The following DRD3 variants were observed in gnomAD, a reference collection of about 807,000 sequenced individuals.
DRD3 encodes dopamine receptor D3, also known as D(3) dopamine receptor.
DRD3 carries 19 observed loss-of-function variants against 36.3 expected under a neutral mutation model. That is an observed-to-expected ratio of 0.52 (90% CI 0.36 to 0.77). The LOEUF (loss-of-function observed/expected upper bound fraction) is 0.77, where lower values mean the gene tolerates loss of function less well. Ranked by LOEUF, DRD3 falls within the 30% of genes least tolerant of loss-of-function variation. The pLI, the probability that DRD3 is intolerant of heterozygous loss-of-function variation, is 0.00. For missense variants in DRD3, 465 were observed against 505.3 expected, an observed-to-expected ratio of 0.92 and a Z score of 0.77; for synonymous variants, 195 against 203.7, an observed-to-expected ratio of 0.96 and a Z score of 0.36.
intron 2 of DRD3, among the ~76,000 whole-genome samples, chr3:114,163,796 A>C (rs889805072): frequency 1.3e-5 from 2 of 152,160 alleles, no homozygotes; most frequent in Non-Finnish European, 2.9e-5. Context: ...GTGAATGGGT[A>C]TGGGTGAACT....
At chr3:114,178,401 C>T (rs2077921680) in intron 1 of DRD3, among the ~76,000 whole-genome samples, 1 of 152,028 alleles carries the variant, frequency 6.6e-6, no homozygotes, top group African/African-American at 2.4e-5. Flanking sequence ...TTAATTCTTC[C>T]TTGATATAGC....
intron 4 of DRD3, among the ~76,000 whole-genome samples, chr3:114,146,169 C>T (rs950518596): frequency 1.3e-5 from 2 of 152,154 alleles, no homozygotes; most frequent in Admixed American, 1.3e-4. Flanking sequence ...TTAGAATTTG[C>T]CTGTATTTAT....
In DRD3 at chr3:114,129,435, C is replaced by A. The variant is rs117174274; in HGVS notation, c.1007-523G>T. On this transcript the variant is annotated intron_variant, in intron 6 of 6. Transcript: ENST00000383673. ...AGGTGAGAAAACTGCATGCTAATGT[C>A]TTTCATTCACTTTGGCCTTTGTTAC... Among the ~76,000 whole-genome samples, 349 of 152,320 alleles carry A rather than the reference C, an allele frequency of 2.3e-3. 3 individuals are homozygous for A. The East Asian group carries it at 0.03, about 13-fold the overall frequency.
At chr3:114,167,407 A>G (rs575145812) in intron 2 of DRD3, among the ~76,000 whole-genome samples, 3 of 152,362 alleles carry the variant, frequency 2.0e-5, no homozygotes, top group East Asian at 3.9e-4. Context: ...TTGAGAGGAA[A>G]TCTGAGACAG....
At chr3:114,135,655 G>A (rs746301992) in intron 5 of DRD3, among the ~76,000 whole-genome samples, 64 of 152,056 alleles carry the variant, frequency 4.2e-4, no homozygotes, top group Middle Eastern at 6.8e-3. Context: ...TTACAACAGA[G>A]ATTATGGTGT....
intron 4 of DRD3, among the ~76,000 whole-genome samples, chr3:114,142,915 C>T (rs1183393200): frequency 1.3e-5 from 2 of 152,206 alleles, no homozygotes; most frequent in Non-Finnish European, 2.9e-5. Context: ...CCATTGCAGG[C>T]AGAGTGACAC....
chr3:114,147,048 G>A (rs2077575416), intron 4 of DRD3, among the ~76,000 whole-genome samples: 2 of 152,052 alleles, frequency 1.3e-5, no homozygotes, highest in African/African-American at 4.8e-5. Flanking sequence ...TGCATTGTAG[G>A]TCTGTTATGA....
rs1442197591 is a variant in DRD3 at position 114,147,493 on chromosome 3, C to T, written c.448G>A (p.Val150Met). Residue 150 changes from valine to methionine, a missense_variant, in exon 4 of 7, where the codon GTG (valine) becomes ATG (methionine). By Grantham distance (21) the Val-to-Met change is conservative. Coordinates refer to ENST00000383673, the MANE Select transcript of DRD3 (RefSeq NM_000796.6). ...HGTGQSSCRR[V>M]ALMITAVWVL... is the part of the protein sequence containing the mutation. ...CAGACGGCCGTGATCATGAGGGCCA[C>T]GCGCCGACAGGAGCTCTGTCCCGTG... 3 of 1,614,070 alleles carry T rather than the reference C, an allele frequency of 1.9e-6. No homozygotes were observed. Among genetic ancestry groups the T allele is most frequent in the South Asian group, 2.2e-5 (2 of 91,076 alleles).
At chr3:114,184,857 A>C (rs12633630) in intron 1 of DRD3, among the ~76,000 whole-genome samples, 30,378 of 151,822 alleles carry the variant, frequency 0.2, 3,339 homozygotes, top group Admixed American at 0.3. Flanking sequence ...AGTCACTGCA[A>C]CTGACCTCCT....
intron 4 of DRD3, among the ~76,000 whole-genome samples, chr3:114,146,852 A>G (rs1412724561): frequency 2.0e-5 from 3 of 152,196 alleles, no homozygotes; most frequent in Non-Finnish European, 4.4e-5. Flanking sequence ...CCATCCATCC[A>G]TCCACCCAGG....
At chr3:114,186,734 C>T (rs1220123954) in intron 1 of DRD3, among the ~76,000 whole-genome samples, 1 of 152,166 alleles carries the variant, frequency 6.6e-6, no homozygotes, top group Non-Finnish European at 1.5e-5. Context: ...CAAGGCTTCT[C>T]CTGGAAGTTG....
chr3:114,152,024 C>G (rs1358468133), intron 3 of DRD3, among the ~76,000 whole-genome samples: 1 of 152,214 alleles, frequency 6.6e-6, no homozygotes, highest in Non-Finnish European at 1.5e-5. Context: ...TTTAGTACTT[C>G]TGAAGTGGAA....
rs754391076 is a variant in DRD3, at chr3:114,128,804, C to T, written c.1115G>A (p.Gly372Asp). 13 of 1,613,864 alleles carry T rather than the reference C, an allele frequency of 8.1e-6. No individual in the cohort carries two copies. In the Admixed American group the frequency reaches 2.2e-4, roughly 27 times the overall value. The stretch of plus-strand genomic sequence containing the variant: ...AGGGTTGAGGGCGCTATTCACGTAG[C>T]CCAGCCATGTCGTGGCACTGTAAAG... ...PELYSATTWL[G>D]YVNSALNPVI... The change falls in exon 7 of 7, where the codon GGC becomes GAC. Residue 372 changes from glycine (G) to aspartate (D), a missense_variant. By Grantham distance (94) the Gly-to-Asp change is moderately conservative. Coordinates refer to ENST00000383673, the MANE Select transcript of DRD3 (RefSeq NM_000796.6).
chr3:114,188,458 C>T lies in DRD3; in HGVS notation c.-155-9682G>A, dbSNP rs377611008. ...AACTCCTGACCTCAAGTAATCCGCC[C>T]GCCTGGGCCTCCTAAAGTGCTGGGA... is the stretch of plus-strand genomic sequence containing the variant. On this transcript the variant is annotated intron_variant, in intron 1 of 7. Coordinates refer to the DRD3 transcript ENST00000460779. Among the ~76,000 whole-genome samples, 27 of 152,178 alleles carry T rather than the reference C, an allele frequency of 1.8e-4. No individual in the cohort carries two copies. The East Asian group carries it at 4.6e-3, about 26-fold the overall frequency.
intron 4 of DRD3, among the ~76,000 whole-genome samples, 183 bp from the exon 5 acceptor site, chr3:114,139,879 G>C (rs1490428731): frequency 3.3e-5 from 5 of 152,188 alleles, no homozygotes; most frequent in Admixed American, 1.3e-4. Flanking sequence ...ATTCATCTTT[G>C]AGTTTCTTAC....
rs1036572865 is a variant in DRD3, at chr3:114,131,277, G to A, written c.847C>T (p.Arg283Trp). 4.3e-6 allele frequency: 7 copies of A among 1,614,050 alleles called. No homozygotes were observed. Among genetic ancestry groups the A allele is most frequent in the Middle Eastern group, 1.6e-4 (1 of 6,084 alleles). ...GCTATGGTGGGACTCAGGGAATTCC[G>A]AGTCTTCTCCTCTCTTTTCAACTCT... ...GGELKREEKT[R>W]NSLSPTIAPK... The change falls in exon 6 of 7, where the codon CGG (arginine) becomes TGG (tryptophan). Residue 283 changes from arginine (R) to tryptophan (W), a missense_variant. By Grantham distance (101) the Arg-to-Trp change is moderately radical. Coordinates refer to ENST00000383673, the MANE Select transcript of DRD3 (RefSeq NM_000796.6).
At chr3:114,157,886 T>C (rs1183514682) in intron 3 of DRD3, among the ~76,000 whole-genome samples, 1 of 152,144 alleles carries the variant, frequency 6.6e-6, no homozygotes. Flanking sequence ...GTGGATCACC[T>C]GAGGTTGGGA....
At position 114,139,641 on chromosome 3, in the gene DRD3, C is replaced by T. The variant is rs748325563; in HGVS notation, c.582G>A (p.Val194=). The part of the protein sequence containing the change: ...SNPDFVIYSS[V]VSFYLPFGVT... ...CTCCAAAGGGCAGGTAGAAGGACACCACTGAAGAGTAGATGACAAAATCAG... is the reference window on the plus strand; with the variant it reads ...CTCCAAAGGGCAGGTAGAAGGACACTACTGAAGAGTAGATGACAAAATCAG... The change falls in exon 5 of 7, where the codon GTG becomes GTA. Residue 194 remains valine (V), a synonymous_variant. Transcript: ENST00000383673. 1.2e-6 allele frequency: 2 copies of T among 1,613,998 alleles called. No homozygotes were observed. The highest frequency in any genetic ancestry group is 1.3e-5 in the African/African-American group (1 of 74,908).
upstream of DRD3, among the ~76,000 whole-genome samples, chr3:114,181,519 T>C (rs556134470): frequency 2.0e-5 from 3 of 152,348 alleles, no homozygotes; most frequent in African/African-American, 7.2e-5. Context: ...AGATATGCCT[T>C]CTGGGAAGAA....
Sources: allele counts gnomAD v4.1 joint callset (sites outside exome capture counted in the v4.1 genomes callset), GRCh38; gene constraint gnomAD v4.1.1; transcripts MANE v1.5; gene names NCBI Gene and HGNC (gene_info 2026-07-23, HGNC 2026-07-21).